PHACTR1: variants seen among roughly 807,000 people sequenced by gnomAD.
PHACTR1 encodes the protein phosphatase and actin regulator 1, also known as RPEL repeat containing 1.
A neutral mutation model predicts 69.2 loss-of-function variants in PHACTR1; 16 were observed. The ratio of observed to expected loss-of-function variants is 0.23; its 90% CI spans 0.16 to 0.35. PHACTR1 has a LOEUF of 0.35. Among genes scored for constraint, PHACTR1 ranks in the 10% least tolerant of loss-of-function variants. PHACTR1 has a pLI of 1.00. For synonymous variants in PHACTR1, 312 were observed against 284.5 expected (o/e 1.10, Z -0.97); for missense variants, 510 against 734.7 (o/e 0.69, Z 3.54).
Position 13,205,798 on chromosome 6 carries a change from C to T in PHACTR1, c.665-17C>T. 1 of 1,561,808 alleles carries T rather than the reference C, an allele frequency of 6.4e-7. No individual in the cohort carries two copies. Among genetic ancestry groups the T allele is most frequent in the Non-Finnish European group, 8.7e-7 (1 of 1,149,240 alleles). On this transcript the variant is annotated splice_polypyrimidine_tract_variant and intron_variant, in intron 7 of 14. Transcript: ENST00000332995. ...CCCCCAAACTCACATCTGCCTCTCG[C>T]CCTCTTTCTGCCACAGATCCTGGCG...
chr6:13,003,965 G>GTATATATATATATATGTA (rs772804033), intron 4 of PHACTR1, among the ~76,000 whole-genome samples: 1,203 of 96,176 alleles, frequency 0.013, 99 homozygotes, highest in South Asian at 0.028. Flanking sequence ...ATATATATAT[G>GTATATATATATATATGTA]TATATATATA....
chr6:12,935,537 C>T (rs1181325542), intron 4 of PHACTR1, among the ~76,000 whole-genome samples: 1 of 152,196 alleles, frequency 6.6e-6, no homozygotes, highest in Non-Finnish European at 1.5e-5. Flanking sequence ...AGCTACTGCA[C>T]CTGGCCTACA....
At chr6:12,874,623 T>G (rs1782364904) in intron 4 of PHACTR1, among the ~76,000 whole-genome samples, 1 of 152,186 alleles carries the variant, frequency 6.6e-6, no homozygotes, top group Non-Finnish European at 1.5e-5. Context: ...GCCACCACCA[T>G]CTACATCCTC....
At chr6:12,728,216 G>A (rs980777523) in intron 3 of PHACTR1, among the ~76,000 whole-genome samples, 1 of 152,106 alleles carries the variant, frequency 6.6e-6, no homozygotes, top group African/African-American at 2.4e-5. Context: ...CTACTCAGGA[G>A]GCTGAGGCGG....
chr6:12,726,643 T>A (rs1420873366), intron 3 of PHACTR1, among the ~76,000 whole-genome samples: 1 of 152,200 alleles, frequency 6.6e-6, no homozygotes, highest in Non-Finnish European at 1.5e-5. Context: ...CAGGTTGTCT[T>A]CTTCCTCCAT....
intron 5 of PHACTR1, among the ~76,000 whole-genome samples, chr6:13,159,242 C>G (rs983661432): frequency 6.6e-6 from 1 of 152,212 alleles, no homozygotes; most frequent in Non-Finnish European, 1.5e-5. Context: ...GGTTCCTTCT[C>G]CATTTGGCTG....
At chr6:13,110,160 G>C (rs1490445522) in intron 5 of PHACTR1, among the ~76,000 whole-genome samples, 1 of 151,280 alleles carries the variant, frequency 6.6e-6, no homozygotes, top group Non-Finnish European at 1.5e-5. Flanking sequence ...TTTTTTTCCT[G>C]GTTGTGGTTC....
intron 7 of PHACTR1, among the ~76,000 whole-genome samples, chr6:13,200,978 A>G (rs1452015784): frequency 2.6e-5 from 4 of 152,048 alleles, no homozygotes; most frequent in Non-Finnish European, 5.9e-5. Flanking sequence ...TAAAAAAAGA[A>G]AGAAATATAA....
chr6:13,239,444 C>T (rs1255258347), intron 10 of PHACTR1, among the ~76,000 whole-genome samples: 1 of 152,100 alleles, frequency 6.6e-6, no homozygotes, highest in Non-Finnish European at 1.5e-5. Flanking sequence ...GAAAGGTGCT[C>T]AGATGAGCTC....
intron 10 of PHACTR1, among the ~76,000 whole-genome samples, chr6:13,261,250 G>A (rs981298819): frequency 6.6e-6 from 1 of 152,162 alleles, no homozygotes; most frequent in Non-Finnish European, 1.5e-5. Flanking sequence ...GGCGTAGGAG[G>A]ACAGCTTTGT....
At chr6:13,244,821 C>T (rs1849347) in intron 10 of PHACTR1, among the ~76,000 whole-genome samples, 11,232 of 149,622 alleles carry the variant, frequency 0.075, 1,263 homozygotes, top group African/African-American at 0.25. Context: ...AGTCCTGAGG[C>T]GACATACATC....
intron 7 of PHACTR1, among the ~76,000 whole-genome samples, chr6:13,202,850 C>T (rs760435536): frequency 4.7e-4 from 71 of 152,192 alleles, no homozygotes; most frequent in Admixed American, 1.8e-3. Context: ...TGAGTTTTTC[C>T]GTGTCTCAGC....
At chr6:13,086,083 TAAAAAAAA>T (rs776154642) in intron 5 of PHACTR1, among the ~76,000 whole-genome samples, 1 of 60,282 alleles carries the variant, frequency 1.7e-5, no homozygotes, top group East Asian at 5.2e-4. Context: ...TACACATTTC[TAAAAAAAA>T]AAAAAAAAAA....
chr6:13,091,160 G>A (rs1161418481), intron 5 of PHACTR1, among the ~76,000 whole-genome samples: 4 of 151,926 alleles, frequency 2.6e-5, no homozygotes, highest in African/African-American at 9.7e-5. Flanking sequence ...ACAGGCACCC[G>A]GCTAATTTTT....
In PHACTR1 at chr6:13,208,636, C is replaced by CCCCG. The variant is rs1042038842; in HGVS notation, c.986+2502_986+2503insCGCC. Among the ~76,000 whole-genome samples the CCCCG allele has an allele frequency of 5.3e-5, 8 of 151,210 alleles. No homozygotes were observed. The East Asian group carries it at 1.6e-3, about 30-fold the overall frequency. On this transcript the variant is annotated intron_variant, in intron 8 of 14. Transcript: ENST00000332995. ...AGCCAACGTCATTGCTGCCCACCCC[C>CCCCG]CCAACCCCATGTCTACATGCACCCA...
chr6:13,096,474 C>T (rs752840304), intron 5 of PHACTR1, among the ~76,000 whole-genome samples: 1 of 152,186 alleles, frequency 6.6e-6, no homozygotes, highest in Non-Finnish European at 1.5e-5. Context: ...GGAAATCATA[C>T]TTGGGAAGCT....
chr6:13,257,195 G>C (rs962947733), intron 10 of PHACTR1, among the ~76,000 whole-genome samples: 1 of 151,956 alleles, frequency 6.6e-6, no homozygotes, highest in Admixed American at 6.6e-5. Flanking sequence ...AGAGAGAGAG[G>C]AGGAGGTGCC....
chr6:13,252,090 A>G (rs533921638), intron 10 of PHACTR1, among the ~76,000 whole-genome samples: 18 of 150,960 alleles, frequency 1.2e-4, no homozygotes, highest in South Asian at 6.3e-4. Context: ...AGAAAAGGCC[A>G]GGAGGCACGG....
intron 8 of PHACTR1, among the ~76,000 whole-genome samples, chr6:13,206,442 C>T (rs1039634302): frequency 6.6e-6 from 1 of 152,092 alleles, no homozygotes; most frequent in African/African-American, 2.4e-5. Context: ...ATTGCAACTT[C>T]AGTAAAATAA....
Sources: allele counts gnomAD v4.1 joint callset (sites outside exome capture counted in the v4.1 genomes callset), GRCh38; gene constraint gnomAD v4.1.1; transcripts MANE v1.5; gene names NCBI Gene and HGNC (gene_info 2026-07-23, HGNC 2026-07-21).